Variants in COPG2 observed in about 807,000 individuals in gnomAD.
The protein encoded by COPG2 is coatomer subunit gamma-2.
COPG2 carries 37 observed loss-of-function variants against 46.3 expected under a neutral mutation model. The observed-to-expected ratio is 0.80, with a 90% confidence interval of 0.61 to 1.05. COPG2 has a LOEUF of 1.05. Among genes scored for constraint, COPG2 ranks in the 50% least tolerant of loss-of-function variants. The pLI, the probability that COPG2 is intolerant of heterozygous loss-of-function variation, is 0.00. For missense variants in COPG2, 427 were observed against 387.8 expected (o/e 1.10, Z -0.85); for synonymous variants, 159 against 129.7 (o/e 1.23, Z -1.53).
intron 20 of COPG2, among the ~76,000 whole-genome samples, chr7:130,522,852 C>T (rs1037976265): frequency 1.3e-5 from 2 of 151,776 alleles, no homozygotes; most frequent in Admixed American, 6.6e-5. Flanking sequence ...ACAGTAAATG[C>T]AAGCACAAGA....
At chr7:130,547,535 C>T (rs1342058586) in intron 20 of COPG2, 139 bp downstream of exon 20, 3 of 396,318 alleles carry the variant, frequency 7.6e-6, no homozygotes, top group African/African-American at 6.3e-5. Flanking sequence ...TTCACACACA[C>T]ACAAACACAC....
At chr7:130,541,584 T>C (rs1330551134) in intron 20 of COPG2, among the ~76,000 whole-genome samples, 4 of 151,914 alleles carry the variant, frequency 2.6e-5, no homozygotes, top group Non-Finnish European at 5.9e-5. Flanking sequence ...GCTATGGTGA[T>C]AGGAACAAGG....
chr7:130,631,272 A>T (rs1795225369), intron 5 of COPG2, among the ~76,000 whole-genome samples: 1 of 151,328 alleles, frequency 6.6e-6, no homozygotes, highest in Non-Finnish European at 1.5e-5. Context: ...CCCAGGTTCA[A>T]ATGATTCTCC....
At position 130,648,632 on chromosome 7, in the gene COPG2, C is replaced by A. The variant is rs181809660; in HGVS notation, c.323+4237G>T. Reference sequence around the variant, plus strand: ...CCGTAGGATATAGTTACAGATATTCCCATTCAAAATGAAAGAAAGTGAAAG... The same window carrying A: ...CCGTAGGATATAGTTACAGATATTCACATTCAAAATGAAAGAAAGTGAAAG... On this transcript the variant is annotated intron_variant, in intron 5 of 23. Coordinates refer to ENST00000425248, the MANE Select transcript of COPG2 (RefSeq NM_012133.6). Among the ~76,000 whole-genome samples, 19 of 152,288 alleles carry A rather than the reference C, an allele frequency of 1.2e-4. No individual in the cohort carries two copies. The East Asian group carries it at 3.3e-3, about 26-fold the overall frequency.
At chr7:130,594,501 G>GAA (rs1232063889) in intron 9 of COPG2, among the ~76,000 whole-genome samples, 1 of 152,148 alleles carries the variant, frequency 6.6e-6, no homozygotes, top group Non-Finnish European at 1.5e-5. Flanking sequence ...ACAAAACACA[G>GAA]AAAAATTAGA....
intron 20 of COPG2, chr7:130,511,820 A>G (rs1554441054): frequency 3.8e-6 from 2 of 519,626 alleles, no homozygotes; most frequent in Admixed American, 1.9e-5. Flanking sequence ...CAAGGAATTC[A>G]GTAGGAGGCA....
At chr7:130,560,761 T>A (rs1793706105) in intron 12 of COPG2, among the ~76,000 whole-genome samples, 1 of 152,156 alleles carries the variant, frequency 6.6e-6, no homozygotes, top group South Asian at 2.1e-4. Flanking sequence ...GATATAGGTA[T>A]GGAAAAAATA....
intron 9 of COPG2, among the ~76,000 whole-genome samples, chr7:130,608,718 T>TAA (rs572332741): frequency 1.0e-3 from 152 of 152,226 alleles, no homozygotes; most frequent in African/African-American, 3.4e-3. Flanking sequence ...GTCTTTTTTT[T>TAA]AAAAAAAGGC....
chr7:130,648,674 C>T (rs1010143148), intron 5 of COPG2, among the ~76,000 whole-genome samples: 1 of 152,200 alleles, frequency 6.6e-6, no homozygotes, highest in Non-Finnish European at 1.5e-5. Flanking sequence ...CATCATTGGT[C>T]CCAAGCAATT....
chr7:130,523,559 G>A (rs925011584), intron 20 of COPG2, among the ~76,000 whole-genome samples: 16 of 152,124 alleles, frequency 1.1e-4, no homozygotes, highest in African/African-American at 3.4e-4. Flanking sequence ...GTCAGGTGTG[G>A]GAACACAGTT....
At chr7:130,529,435 A>G (rs1296736268) in intron 20 of COPG2, among the ~76,000 whole-genome samples, 1 of 152,200 alleles carries the variant, frequency 6.6e-6, no homozygotes, top group Non-Finnish European at 1.5e-5. Context: ...TGGACATAAA[A>G]AAGGACAGAA....
At chr7:130,649,762 A>AC (rs1372905044) in intron 5 of COPG2, among the ~76,000 whole-genome samples, 1 of 152,174 alleles carries the variant, frequency 6.6e-6, no homozygotes, top group African/African-American at 2.4e-5. Context: ...TCTATCTTGC[A>AC]CCTCAAAATT....
intron 20 of COPG2, among the ~76,000 whole-genome samples, chr7:130,525,709 G>C (rs1799766911): frequency 6.6e-6 from 1 of 152,190 alleles, no homozygotes; most frequent in African/African-American, 2.4e-5. Flanking sequence ...AAACACAGTG[G>C]GTCTCGTAGT....
intron 9 of COPG2, among the ~76,000 whole-genome samples, chr7:130,576,706 G>C (rs1794004566): frequency 6.6e-6 from 1 of 151,862 alleles, no homozygotes; most frequent in Admixed American, 6.6e-5. Context: ...AGAAAAACAA[G>C]AACAAACCAA....
chr7:130,559,946 A>T (rs1793690687), intron 12 of COPG2, among the ~76,000 whole-genome samples: 2 of 152,254 alleles, frequency 1.3e-5, no homozygotes, highest in East Asian at 1.9e-4. Context: ...TTATTTATTT[A>T]TTTTTTTAAA....
chr7:130,597,529 C>A (rs555510323), intron 9 of COPG2, among the ~76,000 whole-genome samples: 33 of 152,116 alleles, frequency 2.2e-4, no homozygotes, highest in Non-Finnish European at 4.9e-4. Context: ...TGGCTTGGGA[C>A]CCCGAACAAT....
intron 20 of COPG2, among the ~76,000 whole-genome samples, chr7:130,541,191 G>A (rs1345391279): frequency 1.3e-5 from 2 of 152,146 alleles, no homozygotes; most frequent in African/African-American, 4.8e-5. Flanking sequence ...TAGCCGAAAA[G>A]GCACCGGGTA....
rs573009314 is a variant in COPG2 at position 130,574,565 on chromosome 7, C to T, written c.738-10172G>A. Among the ~76,000 whole-genome samples the T allele has an allele frequency of 4.1e-4, 62 of 152,276 alleles. 1 individual carries two copies. Among genetic ancestry groups the T allele is most frequent in the Non-Finnish European group, 6.9e-4 (47 of 68,010 alleles). ...AACAACAGACTTCCGCCTAGACCTT[C>T]CCTCTGACAGAGCCTACCCAAATGA... On this transcript the variant is annotated intron_variant, in intron 9 of 23. Transcript: ENST00000425248.
intron 9 of COPG2, among the ~76,000 whole-genome samples, chr7:130,578,344 C>T (rs1554446628): frequency 6.7e-6 from 1 of 148,558 alleles, no homozygotes; most frequent in African/African-American, 2.5e-5. Context: ...AAAAACCCAT[C>T]TGTACATCAC....
Sources: gnomAD v4.1 joint callset for allele counts (sites outside exome capture counted in the v4.1 genomes callset) on GRCh38, gnomAD v4.1.1 for gene constraint, MANE v1.5 for transcripts, NCBI Gene and HGNC (gene_info 2026-07-23, HGNC 2026-07-21) for gene names.